PNLIPRP1: variants seen among roughly 807,000 people sequenced by gnomAD.
The protein encoded by PNLIPRP1 is pancreatic lipase related protein 1.
Under a neutral mutation model 54.6 loss-of-function variants are expected in PNLIPRP1, and 57 were observed. The ratio of observed to expected loss-of-function variants is 1.04; its 90% confidence interval spans 0.84 to 1.30. The LOEUF is 1.30. Ranked by LOEUF, PNLIPRP1 falls within the 50% of genes most tolerant of loss-of-function variation. PNLIPRP1 has a pLI of 0.00. For synonymous variants in PNLIPRP1, 232 were observed against 208.8 expected (o/e 1.11, Z -0.96); for missense variants, 567 against 568.5 (o/e 1.00, Z 0.03).
At chr10:116,605,690 A>G in intron 12 of PNLIPRP1, 137 bp downstream of exon 12, 1 of 529,470 alleles carries the variant, frequency 1.9e-6, no homozygotes, top group Non-Finnish European at 3.3e-6. Context: ...CTTCTCCCCA[A>G]ACAAGCAACT....
chr10:116,604,005 T>C lies in PNLIPRP1; in HGVS notation c.1064-25T>C, dbSNP rs372739373. ...GCTACTTATTTTGTGTGTGAATAAA[T>C]TGAACTCTTCCATCTCCTGTGCAGG... On this transcript the variant is annotated intron_variant, in intron 10 of 12. Coordinates refer to ENST00000358834, the MANE Select transcript of PNLIPRP1 (RefSeq NM_006229.4). The C allele has an allele frequency of 1.9e-4, 277 of 1,450,780 alleles. No individual in the cohort carries two copies. The African/African-American group carries it at 3.4e-3, about 18-fold the overall frequency. The allele number at this position is 1,450,780 out of a possible 1,614,324, so 89.9% of individuals were successfully genotyped here. A position where few individuals can be genotyped will look rare whatever the true frequency, so the allele number is the denominator to read the frequency against.
intron 9 of PNLIPRP1, 77 bp from the exon 10 acceptor site, chr10:116,600,995 G>T: frequency 7.5e-7 from 1 of 1,341,468 alleles, no homozygotes; most frequent in Non-Finnish European, 1.0e-6. Context: ...TAGGAAAATT[G>T]AGTGTCTGCC....
At chr10:116,606,840 C>T (rs1847943473) in intron 12 of PNLIPRP1, among the ~76,000 whole-genome samples, 1 of 152,166 alleles carries the variant, frequency 6.6e-6, no homozygotes, top group Admixed American at 6.5e-5. Flanking sequence ...AGTGCAGCTC[C>T]CCTCGCTGTC....
intron 12 of PNLIPRP1, 70 bp from the exon 13 acceptor site, chr10:116,608,983 A>C: frequency 1.1e-6 from 1 of 915,978 alleles, no homozygotes; most frequent in African/African-American, 1.5e-5. Flanking sequence ...AAACCAAACC[A>C]AAACAAAACA....
At chr10:116,604,681 C>T (rs367684093) in intron 11 of PNLIPRP1, among the ~76,000 whole-genome samples, 25 of 94,136 alleles carry the variant, frequency 2.7e-4, no homozygotes, top group South Asian at 4.3e-4. Flanking sequence ...CTTTCTCTCT[C>T]TTTTTTTTTT....
rs140876028 is a variant in PNLIPRP1 at position 116,598,162 on chromosome 10, G to A, written c.810G>A (p.Trp270Ter). The A allele has an allele frequency of 6.8e-5, 109 of 1,613,176 alleles. No individual in the cohort carries two copies. The highest frequency in any genetic ancestry group is 8.7e-5 in the Non-Finnish European group (103 of 1,179,716). ...LSQIVDLDGI[W>*]AGTRDFVACN... ...AGATCGTGGATCTAGATGGCATCTG[G>A]GCGGGTAAAGTCATGGTGGGGTGAG... is the stretch of plus-strand genomic sequence containing the variant. The change falls in exon 8 of 13, where the codon TGG becomes TGA. Residue 270 changes from tryptophan (W) to a stop codon, truncating the protein, a stop_gained. Coordinates refer to ENST00000358834, the MANE Select transcript of PNLIPRP1 (RefSeq NM_006229.4). LOFTEE classifies it high-confidence loss of function.
chr10:116,604,551 T>C (rs1196335741), intron 11 of PNLIPRP1, among the ~76,000 whole-genome samples: 1 of 152,204 alleles, frequency 6.6e-6, no homozygotes, highest in Non-Finnish European at 1.5e-5. Context: ...TAAGGACACA[T>C]TTCTCAGAAC....
Position 116,601,193 on chromosome 10 carries a change from A to G in PNLIPRP1, c.1055A>G (p.Asn352Ser). 6.2e-7 allele frequency: 1 copy of G among 1,612,694 alleles called. No homozygotes were observed. Among genetic ancestry groups the G allele is most frequent in the South Asian group, 1.1e-5 (1 of 90,588 alleles). The change falls in exon 10 of 13, where the codon AAT becomes AGT. Residue 352 changes from asparagine (N) to serine (S), a missense_variant. Coordinates refer to ENST00000358834, the MANE Select transcript of PNLIPRP1 (RefSeq NM_006229.4). ...KFFLNTGEAS[N>S]FARWRYGVSI... The stretch of plus-strand genomic sequence containing the variant: ...TTCTTGAACACAGGAGAGGCTAGCA[A>G]TTTCGCTCGTAAGTTGCACTTTGAC...
At chr10:116,592,099 C>T in intron 3 of PNLIPRP1, 174 bp downstream of exon 3, 1 of 682,352 alleles carries the variant, frequency 1.5e-6, no homozygotes, top group Non-Finnish European at 2.4e-6. Flanking sequence ...GTAATGTTGG[C>T]TTGAATGAAT....
At chr10:116,591,274 C>T (rs1279473419) in intron 2 of PNLIPRP1, 96 bp downstream of exon 2, 3 of 904,032 alleles carry the variant, frequency 3.3e-6, no homozygotes, top group African/African-American at 1.6e-5. Context: ...CTCCCAGCAG[C>T]TCCAGGGTAC....
chr10:116,608,642 T>C (rs1445830179), intron 12 of PNLIPRP1, among the ~76,000 whole-genome samples: 1 of 152,242 alleles, frequency 6.6e-6, no homozygotes, highest in Non-Finnish European at 1.5e-5. Context: ...TTAAGCAGCA[T>C]AATTGGCTGC....
intron 6 of PNLIPRP1, 148 bp from the exon 7 acceptor site, chr10:116,597,679 AT>A: frequency 1.2e-6 from 1 of 841,568 alleles, no homozygotes; most frequent in Non-Finnish European, 1.9e-6. Context: ...ATGTCCTCAT[AT>A]TTAGCACCCA....
In PNLIPRP1 at chr10:116,609,069, G is replaced by A. The variant is rs1554865955; in HGVS notation, c.1357G>A (p.Glu453Lys). The change falls in exon 13 of 13, where the codon GAA (glutamate) becomes AAA (lysine). Residue 453 changes from glutamate to lysine, a missense_variant. Coordinates refer to ENST00000358834, the MANE Select transcript of PNLIPRP1 (RefSeq NM_006229.4). ...EEKTVYNFCS[E>K]DTVREDTLLT... ...TCTCCCCAGGTACAACTTCTGTAGC[G>A]AAGACACAGTGCGGGAAGACACGCT... The A allele has an allele frequency of 1.2e-6, 2 of 1,613,280 alleles. No individual in the cohort carries two copies. Among genetic ancestry groups the A allele is most frequent in the Non-Finnish European group, 1.7e-6 (2 of 1,179,270 alleles).
At chr10:116,601,669 G>C (rs1847842083) in intron 10 of PNLIPRP1, among the ~76,000 whole-genome samples, 1 of 152,138 alleles carries the variant, frequency 6.6e-6, no homozygotes, top group African/African-American at 2.4e-5. Context: ...TGCCTCGCTG[G>C]TGGAGTGCAG....
At chr10:116,606,002 T>A (rs922685573) in intron 12 of PNLIPRP1, among the ~76,000 whole-genome samples, 3 of 152,190 alleles carry the variant, frequency 2.0e-5, no homozygotes, top group African/African-American at 4.8e-5. Context: ...ACTTGTGAGA[T>A]CCTGACCTGT....
intron 2 of PNLIPRP1, 80 bp from the exon 3 acceptor site, chr10:116,591,691 T>A: frequency 2.8e-6 from 4 of 1,419,444 alleles, no homozygotes; most frequent in Non-Finnish European, 3.9e-6. Flanking sequence ...AATAGAAGAG[T>A]GACCAGGCCC....
chr10:116,594,891 G>GT (rs782024497), intron 5 of PNLIPRP1, 27 bp downstream of exon 5: 2 of 1,612,542 alleles, frequency 1.2e-6, no homozygotes, highest in South Asian at 2.2e-5. Flanking sequence ...GCCTATGTGA[G>GT]GAGGGAAGCA....
At chr10:116,600,239 T>C in intron 9 of PNLIPRP1, 74 bp downstream of exon 9, 2 of 926,808 alleles carry the variant, frequency 2.2e-6, no homozygotes, top group Non-Finnish European at 3.6e-6. Context: ...GTTTGGGATT[T>C]GCAATGCCTT....
chr10:116,597,129 G>A (rs963872479), intron 6 of PNLIPRP1, among the ~76,000 whole-genome samples: 43 of 152,184 alleles, frequency 2.8e-4, no homozygotes, highest in South Asian at 8.3e-4. Context: ...CTACATTCAC[G>A]TTCCTATTTT....
Sources: allele counts gnomAD v4.1 joint callset (sites outside exome capture counted in the v4.1 genomes callset), GRCh38; gene constraint gnomAD v4.1.1; transcripts MANE v1.5; gene names NCBI Gene and HGNC (gene_info 2026-07-23, HGNC 2026-07-21).